Variants in KARS1 observed in about 807,000 individuals in gnomAD.
KARS1 encodes lysyl-tRNA synthetase 1.
KARS1 carries 50 observed loss-of-function variants against 63.9 expected under a neutral mutation model. The observed-to-expected ratio is 0.78, with a 90% CI of 0.62 to 0.99. The LOEUF (loss-of-function observed/expected upper bound fraction) is 0.99, where lower values mean the gene tolerates loss of function less well. KARS1 is among the 50% of genes least tolerant of loss of function. KARS1 has a pLI of 0.00. For synonymous variants in KARS1, 320 were observed against 264.6 expected, an observed-to-expected ratio of 1.21 and a Z score of -2.03; for missense variants, 816 against 754.5, an observed-to-expected ratio of 1.08 and a Z score of -0.95.
rs2151809236 is a variant in KARS1, at chr16:75,640,108, G to C, written c.388+76C>G. 3.1e-6 allele frequency: 4 copies of C among 1,282,800 alleles called. No individual in the cohort carries two copies. In the East Asian group the frequency reaches 9.2e-5, roughly 30 times the overall value. 79.5% of individuals were successfully genotyped at this position (1,282,800 alleles called of 1,614,324 possible). The stretch of plus-strand genomic sequence containing the variant: ...GCTACTTGAGAACAAGACCAACCCA[G>C]ACCTTCCCTTGTGCTACTGAAGCCG... On this transcript the variant is annotated intron_variant, in intron 3 of 13. Transcript: ENST00000302445.
chr16:75,636,193 G>A (rs2082160153), intron 4 of KARS1, 95 bp from the exon 5 acceptor site: 3 of 810,526 alleles, frequency 3.7e-6, no homozygotes, highest in Non-Finnish European at 6.3e-6. Flanking sequence ...TTAATACCTA[G>A]TTAATGTGAG....
intron 2 of KARS1, 93 bp from the exon 3 acceptor site, chr16:75,640,442 G>C (rs1356023450): frequency 6.9e-6 from 8 of 1,162,496 alleles, no homozygotes; most frequent in Non-Finnish European, 7.7e-6. Context: ...CTGCCCCCGA[G>C]TGACCCCAAT....
chr16:75,640,103 A>C (rs1597173726), intron 3 of KARS1, 81 bp downstream of exon 3: 4 of 1,238,658 alleles, frequency 3.2e-6, no homozygotes, highest in Non-Finnish European at 4.8e-6. Context: ...AACAAGACCA[A>C]CCCAGACCTT....
chr16:75,636,568 A>T, intron 3 of KARS1, 21 bp from the exon 4 acceptor site: 1 of 1,422,584 alleles, frequency 7.0e-7, no homozygotes, highest in Non-Finnish European at 9.9e-7. Flanking sequence ...AAGAGCAAAA[A>T]TACTGACTGA....
intron 1 of KARS1, 70 bp downstream of exon 1, chr16:75,647,508 G>T (rs947239300): frequency 3.5e-6 from 5 of 1,424,036 alleles, no homozygotes; most frequent in Non-Finnish European, 3.9e-6. Flanking sequence ...GCCTTGGTGG[G>T]AACCTCGCGG....
At chr16:75,644,386 G>GC in intron 1 of KARS1, 1 of 1,612,424 alleles carries the variant, frequency 6.2e-7, no homozygotes. Flanking sequence ...GAGGTTTTGC[G>GC]CAGGGACCCC....
At position 75,628,772 on chromosome 16, in the gene KARS1, G is replaced by A; in HGVS notation, c.1552-60C>T. ...TTCTAAGATATCTCAGTGTGTGAGT[G>A]AACATGTTACCAGGCTCCGAGGTGG... On this transcript the variant is annotated intron_variant, in intron 12 of 13. Coordinates refer to ENST00000302445, the MANE Select transcript of KARS1 (RefSeq NM_005548.3). The A allele has an allele frequency of 4.4e-6, 7 of 1,578,542 alleles. No homozygotes were observed. The South Asian group carries it at 5.5e-5, about 12-fold the overall frequency.
chr16:75,635,834 C>T, intron 5 of KARS1, 29 bp from the exon 6 acceptor site: 1 of 1,614,176 alleles, frequency 6.2e-7, no homozygotes, highest in South Asian at 1.1e-5. Context: ...TTAGAAATCA[C>T]TGGTATGTCT....
chr16:75,645,093 G>A (rs1199356100), intron 1 of KARS1, among the ~76,000 whole-genome samples: 1 of 152,202 alleles, frequency 6.6e-6, no homozygotes. Flanking sequence ...ACTCGGGCAG[G>A]GAGCACATCT....
At chr16:75,641,465 C>T (rs935396177) in intron 2 of KARS1, 99 bp downstream of exon 2, 22 of 998,918 alleles carry the variant, frequency 2.2e-5, no homozygotes, top group African/African-American at 4.8e-5. Flanking sequence ...TGACCTCAGG[C>T]GTACTGGTCC....
intron 11 of KARS1, 49 bp downstream of exon 11, chr16:75,630,374 C>A: frequency 8.8e-7 from 1 of 1,140,830 alleles, no homozygotes; most frequent in Non-Finnish European, 1.3e-6. Flanking sequence ...ATTGTTAACA[C>A]CACTAAGTTT....
chr16:75,643,927 C>A (rs1403018290), intron 1 of KARS1, among the ~76,000 whole-genome samples: 1 of 152,088 alleles, frequency 6.6e-6, no homozygotes, highest in Non-Finnish European at 1.5e-5. Context: ...TAAGGATAAT[C>A]CAAAAAGGTC....
intron 1 of KARS1, among the ~76,000 whole-genome samples, chr16:75,647,099 G>C (rs2082295217): frequency 6.6e-6 from 1 of 152,156 alleles, no homozygotes; most frequent in African/African-American, 2.4e-5. Context: ...ATGCATGACA[G>C]TTTTAGAACT....
chr16:75,638,577 G>C (rs953651748), intron 3 of KARS1, among the ~76,000 whole-genome samples: 1 of 152,098 alleles, frequency 6.6e-6, no homozygotes, highest in Admixed American at 6.5e-5. Context: ...ATTAGAACTA[G>C]AAAAACTAAG....
intron 1 of KARS1, among the ~76,000 whole-genome samples, chr16:75,643,734 A>T (rs1181308801): frequency 6.6e-6 from 1 of 152,252 alleles, no homozygotes; most frequent in Non-Finnish European, 1.5e-5. Context: ...CAAAGTTGAC[A>T]GCTTTTTCTA....
intron 3 of KARS1, among the ~76,000 whole-genome samples, chr16:75,638,882 G>T (rs2151808177): frequency 6.6e-6 from 1 of 152,260 alleles, no homozygotes; most frequent in East Asian, 1.9e-4. Context: ...AAATAAAAAA[G>T]ATCTGCTGGG....
intron 1 of KARS1, chr16:75,644,136 T>G: frequency 1.1e-5 from 7 of 632,708 alleles, no homozygotes; most frequent in Non-Finnish European, 1.4e-5. Flanking sequence ...AAAGAGAAAA[T>G]GAGAAAGGAC....
chr16:75,631,665 G>A (rs984797975), intron 8 of KARS1, 28 bp downstream of exon 8: 11 of 1,613,860 alleles, frequency 6.8e-6, no homozygotes, highest in African/African-American at 1.3e-5. Flanking sequence ...CCAACCACCC[G>A]ATGAGTATGA....
Position 75,631,201 on chromosome 16 carries a change from A to T in KARS1, c.1305T>A (p.Pro435=). ...GGAGCCTGGCTGTGGTCCGAGGTGG[A>T]GGGCATTCAACAGCTTTTGCCACAC... The part of the protein sequence containing the change: ...DICVAKAVEC[P]PPRTTARLLD... Residue 435 remains proline, a synonymous_variant, in exon 10 of 14, where the codon CCT becomes CCA. Coordinates refer to ENST00000302445, the MANE Select transcript of KARS1 (RefSeq NM_005548.3). The T allele has an allele frequency of 1.2e-6, 2 of 1,614,048 alleles. No homozygotes were observed. The highest frequency in any genetic ancestry group is 1.7e-6 in the Non-Finnish European group (2 of 1,179,958).
Sources: gnomAD v4.1 joint callset for allele counts (sites outside exome capture counted in the v4.1 genomes callset) on GRCh38, gnomAD v4.1.1 for gene constraint, MANE v1.5 for transcripts, NCBI Gene and HGNC (gene_info 2026-07-23, HGNC 2026-07-21) for gene names.